GMPR: variants seen among roughly 807,000 people sequenced by gnomAD.
The protein encoded by GMPR is guanosine monophosphate reductase, also known as GMP reductase 1.
In GMPR, 31 loss-of-function variants were observed where a neutral mutation model predicts 38.4. The observed-to-expected ratio is 0.81, with a 90% CI of 0.61 to 1.09. The LOEUF (loss-of-function observed/expected upper bound fraction) is 1.09. Ranked by LOEUF, GMPR falls within the 50% of genes least tolerant of loss-of-function variation. The pLI, the probability that GMPR is intolerant of heterozygous loss-of-function variation, is 0.00. For missense variants in GMPR, 468 were observed against 453.7 expected, an observed-to-expected ratio of 1.03 and a Z score of -0.29; for synonymous variants, 162 against 173.3, an observed-to-expected ratio of 0.93 and a Z score of 0.51.
chr6:16,249,100 G>A (rs914484330), intron 2 of GMPR, among the ~76,000 whole-genome samples: 5 of 151,938 alleles, frequency 3.3e-5, no homozygotes, highest in African/African-American at 9.7e-5. Context: ...TCCAATCTCC[G>A]TAGTCAGATC....
intron 4 of GMPR, among the ~76,000 whole-genome samples, chr6:16,267,191 A>G (rs1190242274): frequency 6.6e-6 from 1 of 152,076 alleles, no homozygotes; most frequent in African/African-American, 2.4e-5. Context: ...GTGAAACCCT[A>G]TCTCTACTAA....
At chr6:16,265,562 C>G (rs1581655269) in intron 4 of GMPR, among the ~76,000 whole-genome samples, 1 of 152,148 alleles carries the variant, frequency 6.6e-6, no homozygotes, top group African/African-American at 2.4e-5. Context: ...TGCTCTGTGT[C>G]TAGCTAAAGG....
chr6:16,243,711 C>T (rs963781934), intron 1 of GMPR, among the ~76,000 whole-genome samples: 1 of 152,194 alleles, frequency 6.6e-6, no homozygotes, highest in Non-Finnish European at 1.5e-5. Flanking sequence ...CACGTCTGCC[C>T]CCCAAATTGC....
At chr6:16,264,395 T>TCGTA (rs1209276472) in intron 4 of GMPR, 1 of 241,554 alleles carries the variant, frequency 4.1e-6, no homozygotes, top group Non-Finnish European at 8.0e-6. Flanking sequence ...GGACCTGAGG[T>TCGTA]CGTAGGTGGA....
Position 16,295,199 on chromosome 6 carries a change from A to G in GMPR, c.*13A>G. The G allele has an allele frequency of 2.0e-6, 3 of 1,493,480 alleles. No homozygotes were observed. The highest frequency in any genetic ancestry group is 1.8e-6 in the Non-Finnish European group (2 of 1,126,904). The allele number at this position is 1,493,480 out of a possible 1,614,324, so 92.5% of individuals were successfully genotyped here. ...CGTGTTCAGCTAACCCTGGGGACAA[A>G]GCAGCGTCTGGCTCGAGTGGAAGCG... On this transcript the variant is annotated 3_prime_UTR_variant, in exon 9 of 9. Coordinates refer to ENST00000259727, the MANE Select transcript of GMPR (RefSeq NM_006877.4).
chr6:16,245,040 T>G (rs1424109757), intron 1 of GMPR, among the ~76,000 whole-genome samples: 2 of 152,140 alleles, frequency 1.3e-5, no homozygotes, highest in Admixed American at 1.3e-4. Flanking sequence ...AAGAGTAATT[T>G]GAGACCAAGG....
intron 3 of GMPR, among the ~76,000 whole-genome samples, chr6:16,254,228 G>T (rs1194470221): frequency 2.6e-5 from 4 of 152,080 alleles, no homozygotes; most frequent in African/African-American, 9.7e-5. Context: ...ACCACACTTG[G>T]CTAATTTTTG....
chr6:16,289,211 G>A (rs1042830383), intron 7 of GMPR, among the ~76,000 whole-genome samples: 4 of 152,270 alleles, frequency 2.6e-5, no homozygotes, highest in East Asian at 1.9e-4. Context: ...CCACCAGAAG[G>A]AAAAAGCCTC....
intron 6 of GMPR, among the ~76,000 whole-genome samples, chr6:16,281,883 AT>A (rs1280497652): frequency 5.3e-5 from 8 of 152,196 alleles, no homozygotes; most frequent in African/African-American, 1.9e-4. Flanking sequence ...GGAAAAGCAA[AT>A]GAATGGACTT....
rs558324868 is a variant in GMPR, at chr6:16,238,660, C to G, written c.-34C>G. ...CCCCGCGCAGGCGCCCCCGCCCCGC[C>G]GTCGCCGCCGCCGCAGCCAGGAGCC... On this transcript the variant is annotated 5_prime_UTR_variant, in exon 1 of 9. Coordinates refer to ENST00000259727, the MANE Select transcript of GMPR (RefSeq NM_006877.4). 1.0e-5 allele frequency: 12 copies of G among 1,149,788 alleles called. No homozygotes were observed. The highest frequency in any genetic ancestry group is 1.2e-5 in the Non-Finnish European group (11 of 891,364). The allele number at this position is 1,149,788 out of a possible 1,614,324, so 71.2% of individuals were successfully genotyped here.
At chr6:16,267,640 C>T (rs548510186) in intron 4 of GMPR, among the ~76,000 whole-genome samples, 25 of 152,192 alleles carry the variant, frequency 1.6e-4, no homozygotes, top group African/African-American at 5.8e-4. Context: ...TCACCGCAGC[C>T]GAAGGTCTGT....
At chr6:16,260,668 C>A (rs1209652410) in intron 4 of GMPR, among the ~76,000 whole-genome samples, 1 of 151,954 alleles carries the variant, frequency 6.6e-6, no homozygotes, top group African/African-American at 2.4e-5. Context: ...TTCTAAGAGG[C>A]GGGCTAGTGG....
Position 16,257,720 on chromosome 6 carries a change from C to T in GMPR, c.465+2985C>T, listed in dbSNP as rs75257438. On this transcript the variant is annotated intron_variant, in intron 4 of 8. Coordinates refer to ENST00000259727, the MANE Select transcript of GMPR (RefSeq NM_006877.4). ...TGGCTGATTTAGTGTCTAGTTTCACCGTTCCTCATAGGTGGTGCTTTCTTG... is the reference window on the plus strand; with the variant it reads ...TGGCTGATTTAGTGTCTAGTTTCACTGTTCCTCATAGGTGGTGCTTTCTTG... 2.4e-3 allele frequency among the ~76,000 whole-genome samples: 360 copies of T among 152,290 alleles called. 1 individual carries two copies. Among genetic ancestry groups the T allele is most frequent in the African/African-American group, 8.0e-3 (332 of 41,568 alleles).
intron 4 of GMPR, among the ~76,000 whole-genome samples, chr6:16,263,515 G>A (rs1581654282): frequency 2.0e-5 from 3 of 151,794 alleles, no homozygotes; most frequent in Non-Finnish European, 4.4e-5. Context: ...GTAGAGACAC[G>A]GAGGGAAGGG....
chr6:16,292,979 T>A (rs967762705), intron 8 of GMPR, among the ~76,000 whole-genome samples: 1 of 152,192 alleles, frequency 6.6e-6, no homozygotes, highest in East Asian at 1.9e-4. Flanking sequence ...GGCTTCAGCC[T>A]GAGCCTTGCG....
intron 6 of GMPR, among the ~76,000 whole-genome samples, chr6:16,280,183 G>A (rs577155342): frequency 6.6e-6 from 1 of 152,278 alleles, no homozygotes; most frequent in South Asian, 2.1e-4. Context: ...GTGCTTGAGG[G>A]GCATCAGAAG....
In GMPR at chr6:16,290,634, C is replaced by A; in HGVS notation, c.857+13C>A. 2 of 1,609,440 alleles carry A rather than the reference C, an allele frequency of 1.2e-6. No homozygotes were observed. The highest frequency in any genetic ancestry group is 1.7e-6 in the Non-Finnish European group (2 of 1,176,170). On this transcript the variant is annotated intron_variant, in intron 8 of 8. Coordinates refer to ENST00000259727, the MANE Select transcript of GMPR (RefSeq NM_006877.4). Reference sequence around the variant, plus strand: ...TTGCTGAGTACAGGTGAGGAGGTGACCCCGGGGCGCACCCTCGAGGCCTGG... The same window carrying A: ...TTGCTGAGTACAGGTGAGGAGGTGAACCCGGGGCGCACCCTCGAGGCCTGG...
At chr6:16,266,044 C>T (rs908381155) in intron 4 of GMPR, among the ~76,000 whole-genome samples, 1 of 151,770 alleles carries the variant, frequency 6.6e-6, no homozygotes, top group Non-Finnish European at 1.5e-5. Flanking sequence ...GTCAGTGAGA[C>T]CACGAACCCA....
intron 4 of GMPR, among the ~76,000 whole-genome samples, chr6:16,273,128 T>C (rs1044202494): frequency 6.6e-6 from 1 of 152,254 alleles, no homozygotes; most frequent in African/African-American, 2.4e-5. Context: ...TTTTCCATTG[T>C]CAGCTACTGT....
Sources: allele counts gnomAD v4.1 joint callset (sites outside exome capture counted in the v4.1 genomes callset), GRCh38; gene constraint gnomAD v4.1.1; transcripts MANE v1.5; gene names NCBI Gene and HGNC (gene_info 2026-07-23, HGNC 2026-07-21).